OPCML: variants seen among roughly 807,000 people sequenced by gnomAD.
OPCML encodes opioid binding protein/cell adhesion molecule like, also known as opioid-binding protein/cell adhesion molecule.
A neutral mutation model predicts 37.8 loss-of-function variants in OPCML; 13 were observed. That is an observed-to-expected ratio of 0.34 (90% CI 0.22 to 0.55). The LOEUF (loss-of-function observed/expected upper bound fraction) is 0.55. OPCML is among the 20% of genes least tolerant of loss of function. The pLI is 0.91. For synonymous variants in OPCML, 176 were observed against 168.8 expected (o/e 1.04, Z -0.33); for missense variants, 341 against 435.6 (o/e 0.78, Z 1.93).
At chr11:133,168,409 A>G (rs968172103) in intron 1 of OPCML, among the ~76,000 whole-genome samples, 6 of 152,304 alleles carry the variant, frequency 3.9e-5, no homozygotes, top group Admixed American at 1.3e-4. Context: ...TCTTCTGACT[A>G]GATGGTCAGA....
At chr11:132,739,173 C>T (rs537460496) in intron 2 of OPCML, among the ~76,000 whole-genome samples, 7 of 152,262 alleles carry the variant, frequency 4.6e-5, no homozygotes, top group Admixed American at 4.6e-4. Flanking sequence ...CAGTTTGTCA[C>T]CCCAAAAAGC....
At chr11:133,137,827 A>G (rs1270284479) in intron 1 of OPCML, among the ~76,000 whole-genome samples, 1 of 152,212 alleles carries the variant, frequency 6.6e-6, no homozygotes, top group Admixed American at 6.5e-5. Context: ...CAACATCAGG[A>G]GCTCTTAAGC....
At chr11:133,456,940 A>G (rs1391980686) in intron 1 of OPCML, among the ~76,000 whole-genome samples, 2 of 152,200 alleles carry the variant, frequency 1.3e-5, no homozygotes, top group South Asian at 2.1e-4. Context: ...AGAAAAGGGC[A>G]GTGAGGTTAT....
intron 2 of OPCML, among the ~76,000 whole-genome samples, chr11:132,686,032 C>A (rs1565775068): frequency 6.6e-6 from 1 of 152,194 alleles, no homozygotes; most frequent in African/African-American, 2.4e-5. Flanking sequence ...CCTGCTCCCA[C>A]CTGCTGTCAT....
At chr11:132,753,312 A>G (rs1945903158) in intron 2 of OPCML, among the ~76,000 whole-genome samples, 1 of 152,196 alleles carries the variant, frequency 6.6e-6, no homozygotes, top group South Asian at 2.1e-4. Flanking sequence ...TTTGAAGTGT[A>G]TCTCCCTCAT....
At chr11:132,895,611 T>C (rs1943809384) in intron 2 of OPCML, among the ~76,000 whole-genome samples, 1 of 152,232 alleles carries the variant, frequency 6.6e-6, no homozygotes. Flanking sequence ...GGGAGGGCTC[T>C]GATGAGGCTG....
Position 133,371,719 on chromosome 11 carries a change from T to C in OPCML, c.61+160545A>G, listed in dbSNP as rs147275741. Among the ~76,000 whole-genome samples, 494 of 152,342 alleles carry C rather than the reference T, an allele frequency of 3.2e-3. 2 individuals are homozygous for C. Among genetic ancestry groups the C allele is most frequent in the African/African-American group, 0.01 (436 of 41,574 alleles). On this transcript the variant is annotated intron_variant, in intron 1 of 7. Coordinates refer to ENST00000524381, the MANE Select transcript of OPCML (RefSeq NM_001012393.5). ...GAACTGGGAGTCAATTAACCTCTTT[T>C]GTTTATAGATTACCCAGTATCAGGT...
chr11:132,524,236 G>A (rs2096302073), intron 4 of OPCML, among the ~76,000 whole-genome samples: 1 of 152,138 alleles, frequency 6.6e-6, no homozygotes, highest in African/African-American at 2.4e-5. Context: ...TGTCTTTCAG[G>A]AACGGGAAAG....
chr11:133,024,280 A>G (rs1947507539), intron 1 of OPCML: 8 of 901,052 alleles, frequency 8.9e-6, no homozygotes, highest in Middle Eastern at 5.6e-4. Context: ...CTTCTAGAGC[A>G]AGCGTGTTGT....
At chr11:132,478,478 C>T (rs1008263158) in intron 4 of OPCML, among the ~76,000 whole-genome samples, 2 of 152,124 alleles carry the variant, frequency 1.3e-5, no homozygotes, top group South Asian at 4.1e-4. Flanking sequence ...ACAACACATC[C>T]TTAACATGAG....
intron 3 of OPCML, among the ~76,000 whole-genome samples, chr11:132,652,170 C>T (rs1361719478): frequency 2.0e-5 from 3 of 152,126 alleles, no homozygotes; most frequent in African/African-American, 7.2e-5. Context: ...ATTTAAAATG[C>T]ATATCCCTGA....
chr11:133,388,675 C>G (rs1397018522), intron 1 of OPCML, among the ~76,000 whole-genome samples: 1 of 152,194 alleles, frequency 6.6e-6, no homozygotes, highest in African/African-American at 2.4e-5. Flanking sequence ...ATGCTCTGCT[C>G]TGCATGGGTT....
At chr11:132,652,884 T>C (rs1238044697) in intron 3 of OPCML, among the ~76,000 whole-genome samples, 1 of 152,198 alleles carries the variant, frequency 6.6e-6, no homozygotes, top group Non-Finnish European at 1.5e-5. Flanking sequence ...GCAACATCAA[T>C]CTGCTTCTGC....
intron 1 of OPCML, among the ~76,000 whole-genome samples, chr11:133,515,017 T>C (rs1948235701): frequency 6.6e-6 from 1 of 152,196 alleles, no homozygotes; most frequent in Non-Finnish European, 1.5e-5. Context: ...CTATCAAATA[T>C]GTTCATCTTA....
chr11:132,582,963 A>G (rs1418961657), intron 3 of OPCML, among the ~76,000 whole-genome samples: 1 of 149,362 alleles, frequency 6.7e-6, no homozygotes, highest in African/African-American at 2.5e-5. Context: ...CTCCTACTTC[A>G]GCCTCCAGAG....
At chr11:132,545,199 T>C (rs2137394890) in intron 3 of OPCML, among the ~76,000 whole-genome samples, 1 of 152,284 alleles carries the variant, frequency 6.6e-6, no homozygotes, top group East Asian at 1.9e-4. Context: ...AGCAGGTATA[T>C]AGTGGTAATG....
intron 1 of OPCML, among the ~76,000 whole-genome samples, chr11:133,322,999 A>C (rs1036242958): frequency 6.6e-6 from 1 of 152,250 alleles, no homozygotes; most frequent in Non-Finnish European, 1.5e-5. Flanking sequence ...ATTAAATTGA[A>C]AAGAATGCTG....
chr11:132,559,392 G>C (rs185604115), intron 3 of OPCML, among the ~76,000 whole-genome samples: 6 of 152,224 alleles, frequency 3.9e-5, no homozygotes, highest in African/African-American at 1.4e-4. Context: ...AAGTTTTCAG[G>C]GTCACAGGAT....
chr11:132,717,627 T>C (rs192460357), intron 2 of OPCML, among the ~76,000 whole-genome samples: 16 of 152,132 alleles, frequency 1.1e-4, no homozygotes, highest in African/African-American at 1.7e-4. Context: ...TTAACATATA[T>C]CGTATTGTAG....
Sources: gnomAD v4.1 joint callset for allele counts (sites outside exome capture counted in the v4.1 genomes callset) on GRCh38, gnomAD v4.1.1 for gene constraint, MANE v1.5 for transcripts, NCBI Gene and HGNC (gene_info 2026-07-23, HGNC 2026-07-21) for gene names.